Variants in ODR4 observed in about 807,000 individuals in gnomAD.
ODR4 encodes the protein odr-4 GPCR localization factor homolog, also known as protein odr-4 homolog.
ODR4 carries 47 observed loss-of-function variants against 60.2 expected under a neutral mutation model. The observed-to-expected ratio is 0.78, with a 90% CI of 0.62 to 1.00. The LOEUF is 1.00. ODR4 is among the 50% of genes least tolerant of loss of function. The pLI is 0.00. For missense variants in ODR4, 488 were observed against 530.8 expected (o/e 0.92, Z 0.79); for synonymous variants, 178 against 175.5 (o/e 1.01, Z -0.11).
At position 186,419,393 on chromosome 1, in the gene ODR4, A is replaced by G. The variant is rs1661698461; in HGVS notation, c.*317A>G. ...CATAGATTTTAGTCTTACTAATCTGAATCACATATTAATCAGGACATTAAA... is the reference window on the plus strand; with the variant it reads ...CATAGATTTTAGTCTTACTAATCTGGATCACATATTAATCAGGACATTAAA... On this transcript the variant is annotated 3_prime_UTR_variant, in exon 14 of 14. Transcript: ENST00000287859. 1 of 317,014 alleles carries G rather than the reference A, an allele frequency of 3.2e-6. No homozygotes were observed. The highest frequency in any genetic ancestry group is 7.1e-5 in the East Asian group (1 of 14,124). The allele number at this position is 317,014 out of a possible 1,614,324, so 19.6% of individuals were successfully genotyped here.
intron 12 of ODR4, among the ~76,000 whole-genome samples, chr1:186,406,789 C>A (rs1661190853): frequency 6.6e-6 from 1 of 151,916 alleles, no homozygotes; most frequent in Non-Finnish European, 1.5e-5. Flanking sequence ...GCTTTACTAT[C>A]CAGGTTTTGT....
chr1:186,394,270 A>G (rs1161111163), intron 9 of ODR4, among the ~76,000 whole-genome samples: 1 of 152,122 alleles, frequency 6.6e-6, no homozygotes, highest in Non-Finnish European at 1.5e-5. Flanking sequence ...ATACATGCAT[A>G]CATATACATG....
intron 4 of ODR4, among the ~76,000 whole-genome samples, chr1:186,387,120 A>G (rs1031274401): frequency 6.6e-6 from 1 of 152,172 alleles, no homozygotes; most frequent in African/African-American, 2.4e-5. Flanking sequence ...TTAGGTAAAA[A>G]ATATACAGCT....
intron 12 of ODR4, among the ~76,000 whole-genome samples, chr1:186,409,450 T>C (rs888384927): frequency 6.6e-6 from 1 of 152,268 alleles, no homozygotes; most frequent in Non-Finnish European, 1.5e-5. Flanking sequence ...ATTCAGTAGA[T>C]ATTTGTTGAC....
chr1:186,391,781 T>G lies in ODR4; in HGVS notation c.701T>G (p.Leu234Ter). ...GTTAAAGATGAAGATTGTGACCTAT[T>G]AGAAGGACAGGTAAGTTAAGAGAAA... Reference protein sequence around the residue: ...GQVKDEDCDLLEGQKKSSRGN... With the variant: ...GQVKDEDCDL The change falls in exon 8 of 14, where the codon TTA becomes TGA. Residue 234 changes from leucine (L) to a stop codon, truncating the protein, a stop_gained. Transcript: ENST00000287859. LOFTEE classifies it high-confidence loss of function. 1 of 1,574,696 alleles carries G rather than the reference T, an allele frequency of 6.4e-7. No individual in the cohort carries two copies. The highest frequency in any genetic ancestry group is 1.1e-5 in the South Asian group (1 of 88,000).
intron 1 of ODR4, among the ~76,000 whole-genome samples, chr1:186,378,056 A>C (rs533743526): frequency 5.9e-5 from 9 of 151,486 alleles, no homozygotes; most frequent in South Asian, 2.1e-4. Flanking sequence ...AAAAACAAAA[A>C]AAAAAAAGAG....
At chr1:186,409,311 T>G (rs956549923) in intron 12 of ODR4, among the ~76,000 whole-genome samples, 3 of 152,128 alleles carry the variant, frequency 2.0e-5, no homozygotes, top group African/African-American at 7.2e-5. Flanking sequence ...AAATTCAAAT[T>G]CTCATGAAAC....
intron 1 of ODR4, among the ~76,000 whole-genome samples, chr1:186,379,533 C>G (rs1571656184): frequency 2.6e-5 from 4 of 150,974 alleles, no homozygotes; most frequent in African/African-American, 7.3e-5. Context: ...AAGGTTTGAT[C>G]TCTCATGTCA....
At chr1:186,402,913 G>T (rs1490239055) in intron 11 of ODR4, among the ~76,000 whole-genome samples, 1 of 152,062 alleles carries the variant, frequency 6.6e-6, no homozygotes, top group African/African-American at 2.4e-5. Context: ...AGGAATTATG[G>T]TACCTACTTT....
intron 11 of ODR4, among the ~76,000 whole-genome samples, chr1:186,399,983 T>G (rs1355955112): frequency 6.8e-6 from 1 of 147,192 alleles, no homozygotes; most frequent in Non-Finnish European, 1.5e-5. Flanking sequence ...CCATTCTTTT[T>G]TTTTTTCTTT....
At chr1:186,382,141 C>T (rs974978614) in intron 2 of ODR4, among the ~76,000 whole-genome samples, 2 of 151,206 alleles carry the variant, frequency 1.3e-5, no homozygotes, top group Non-Finnish European at 2.9e-5. Flanking sequence ...TGTGGTGGCT[C>T]ATGCCTGTAA....
intron 4 of ODR4, 50 bp from the exon 5 acceptor site, chr1:186,388,392 C>G: frequency 9.7e-7 from 1 of 1,031,880 alleles, no homozygotes; most frequent in Non-Finnish European, 1.4e-6. Context: ...CAACACTCAT[C>G]TTTTTTTTTC....
intron 11 of ODR4, among the ~76,000 whole-genome samples, chr1:186,399,978 C>CTT (rs1399196883): frequency 7.0e-5 from 9 of 128,512 alleles, no homozygotes; most frequent in African/African-American, 1.1e-4. Flanking sequence ...TCTCCCCATT[C>CTT]TTTTTTTTTT....
Position 186,406,213 on chromosome 1 carries a change from G to A in ODR4, c.1131G>A (p.Met377Ile). ...AEEIRDHFME[M>I]LDHTIQIEDL... ...AAATCAGGGACCATTTTATGGAGATGTTGGATCACACAATTCAAATAGAAG... is the reference window on the plus strand; with the variant it reads ...AAATCAGGGACCATTTTATGGAGATATTGGATCACACAATTCAAATAGAAG... The change falls in exon 12 of 14, where the codon ATG becomes ATA. Residue 377 changes from methionine (M) to isoleucine (I), a missense_variant. Coordinates refer to ENST00000287859, the MANE Select transcript of ODR4 (RefSeq NM_017847.6). The A allele has an allele frequency of 6.2e-7, 1 of 1,610,692 alleles. No homozygotes were observed. Among genetic ancestry groups the A allele is most frequent in the Non-Finnish European group, 8.5e-7 (1 of 1,178,534 alleles).
chr1:186,412,191 A>G (rs1007603311), intron 12 of ODR4, among the ~76,000 whole-genome samples: 1 of 152,184 alleles, frequency 6.6e-6, no homozygotes, highest in Non-Finnish European at 1.5e-5. Context: ...TTTCAAAACA[A>G]GGTGGCCCAT....
rs150741647 is a variant in ODR4 at position 186,390,259 on chromosome 1, C to T, written c.475-452C>T. On this transcript the variant is annotated intron_variant, in intron 6 of 13. Coordinates refer to ENST00000287859, the MANE Select transcript of ODR4 (RefSeq NM_017847.6). Reference sequence around the variant, plus strand: ...ACAAGCTATGTGTATTCAGCAAAACCCAGATTAGCACTTTGCTAATGCATC... The same window carrying T: ...ACAAGCTATGTGTATTCAGCAAAACTCAGATTAGCACTTTGCTAATGCATC... Among the ~76,000 whole-genome samples, 610 of 152,210 alleles carry T rather than the reference C, an allele frequency of 4.0e-3. 9 individuals carry two copies. Among genetic ancestry groups the T allele is most frequent in the African/African-American group, 0.014 (593 of 41,512 alleles).
chr1:186,399,605 T>G (rs1371108058), intron 11 of ODR4, among the ~76,000 whole-genome samples: 1 of 152,200 alleles, frequency 6.6e-6, no homozygotes, highest in Admixed American at 6.5e-5. Flanking sequence ...CCAAGTGAAC[T>G]TCTCCTGCCA....
At chr1:186,389,890 G>A (rs1206703592) in intron 6 of ODR4, among the ~76,000 whole-genome samples, 2 of 152,108 alleles carry the variant, frequency 1.3e-5, no homozygotes, top group Non-Finnish European at 2.9e-5. Flanking sequence ...TGGGCTCGAG[G>A]GATCCTCCCA....
At chr1:186,410,685 A>G (rs945094827) in intron 12 of ODR4, among the ~76,000 whole-genome samples, 5 of 152,238 alleles carry the variant, frequency 3.3e-5, no homozygotes, top group Admixed American at 6.5e-5. Context: ...GCAGTAATCT[A>G]TAATATACAG....
Sources: allele counts gnomAD v4.1 joint callset (sites outside exome capture counted in the v4.1 genomes callset), GRCh38; gene constraint gnomAD v4.1.1; transcripts MANE v1.5; gene names NCBI Gene and HGNC (gene_info 2026-07-23, HGNC 2026-07-21).